The following NUP188 variants were observed in gnomAD, a reference collection of about 807,000 sequenced individuals.
NUP188 encodes the protein nucleoporin 188.
In NUP188, 97 loss-of-function variants were observed where a neutral mutation model predicts 223.0. The observed-to-expected ratio is 0.43, with a 90% CI of 0.37 to 0.51. NUP188 has a LOEUF of 0.51. NUP188 is among the 20% of genes least tolerant of loss of function. NUP188 has a pLI of 0.00. For synonymous variants in NUP188, 869 were observed against 828.0 expected (o/e 1.05, Z -0.85); for missense variants, 1,947 against 2,175.6 (o/e 0.89, Z 2.09).
rs750844261 is a variant in NUP188, at chr9:129,001,648, G to C, written c.3963G>C (p.Glu1321Asp). The C allele has an allele frequency of 1.2e-6, 2 of 1,614,066 alleles. No homozygotes were observed. The highest frequency in any genetic ancestry group is 3.3e-5 in the Admixed American group (2 of 60,022). ...TACCCACCCTCCTCACCACTCTAGA[G>C]GTGAGCCTTCGCATGAAGCAGAACC... Reference protein sequence around the residue: ...PILPTLLTTLEVSLRMKQNLH... With the variant: ...PILPTLLTTLDVSLRMKQNLH... The change falls in exon 35 of 44, where the codon GAG (glutamate) becomes GAC (aspartate). Residue 1321 changes from glutamate (E) to aspartate (D), a missense_variant. Coordinates refer to ENST00000372577, the MANE Select transcript of NUP188 (RefSeq NM_015354.3).
chr9:129,002,018 C>T (rs1842680457), intron 36 of NUP188, 42 bp downstream of exon 36: 1 of 1,509,922 alleles, frequency 6.6e-7, no homozygotes, highest in East Asian at 2.3e-5. Flanking sequence ...CCTGACCACC[C>T]TACAGTTCCA....
chr9:128,970,787 G>A lies in NUP188; in HGVS notation c.942G>A (p.Gly314=), dbSNP rs750264927. The A allele has an allele frequency of 3.1e-6, 5 of 1,614,114 alleles. No individual in the cohort carries two copies. The highest frequency in any genetic ancestry group is 4.5e-5 in the East Asian group (2 of 44,874). ...QDMDCLMLTF[G]DIPHHAPVLL... is the part of the protein sequence containing the mutation. ...TGGACTGTTTAATGTTGACCTTTGGGGACATTCCACATCATGCCCCAGTGC... is the reference window on the plus strand; with the variant it reads ...TGGACTGTTTAATGTTGACCTTTGGAGACATTCCACATCATGCCCCAGTGC... Residue 314 remains glycine, a synonymous_variant, in exon 11 of 44, where the codon GGG becomes GGA. Transcript: ENST00000372577.
rs150379581 is a variant in NUP188, at chr9:129,006,507, G to T, written c.5079G>T (p.Thr1693=). The T allele has an allele frequency of 8.1e-6, 13 of 1,612,870 alleles. No homozygotes were observed. Among genetic ancestry groups the T allele is most frequent in the Non-Finnish European group, 1.1e-5 (13 of 1,179,656 alleles). The change falls in exon 44 of 44, where the codon ACG becomes ACT. Residue 1693 remains threonine (T), a synonymous_variant. Coordinates refer to ENST00000372577, the MANE Select transcript of NUP188 (RefSeq NM_015354.3). ...MKQELSSELS[T]LLSSLSRYFR... The stretch of plus-strand genomic sequence containing the variant: ...AGCCACTTTTTTTCTTGTAGAGCAC[G>T]CTGCTGTCCAGCCTCTCGCGCTACT...
intron 34 of NUP188, 82 bp from the exon 35 acceptor site, chr9:129,001,447 G>A (rs1464415967): frequency 2.9e-6 from 4 of 1,381,160 alleles, no homozygotes; most frequent in Admixed American, 1.7e-5. Context: ...CAGGTCTTGG[G>A]CAACCAGGCC....
Position 129,006,784 on chromosome 9 carries a change from T to A in NUP188, c.*106T>A. ...GGCCTATACAATGGAGGGCACCTCC[T>A]GTCACCCCCCTCCCGGAGTAGCCAC... is the stretch of plus-strand genomic sequence containing the variant. On this transcript the variant is annotated 3_prime_UTR_variant, in exon 44 of 44. Coordinates refer to ENST00000372577, the MANE Select transcript of NUP188 (RefSeq NM_015354.3). 8.4e-7 allele frequency: 1 copy of A among 1,190,134 alleles called. No individual in the cohort carries two copies. The highest frequency in any genetic ancestry group is 1.2e-6 in the Non-Finnish European group (1 of 865,700). The allele number at this position is 1,190,134 out of a possible 1,614,324, so 73.7% of individuals were successfully genotyped here. A position where few individuals can be genotyped will look rare whatever the true frequency, so the allele number is the denominator to read the frequency against.
intron 11 of NUP188, among the ~76,000 whole-genome samples, chr9:128,971,669 C>G (rs992345540): frequency 6.6e-6 from 1 of 152,194 alleles, no homozygotes; most frequent in Non-Finnish European, 1.5e-5. Flanking sequence ...CCACCCGCCT[C>G]GGCCTCCCAA....
intron 22 of NUP188, among the ~76,000 whole-genome samples, chr9:128,987,084 AGAGAGTGTGT>A (rs1243284432): frequency 1.5e-3 from 188 of 128,200 alleles, no homozygotes; most frequent in African/African-American, 5.0e-3. Flanking sequence ...AGAGAGAGAG[AGAGAGTGTGT>A]GTGTGTGTGT....
At position 129,002,965 on chromosome 9, in the gene NUP188, G is replaced by A. The variant is rs1358329809; in HGVS notation, c.4286G>A (p.Arg1429Gln). The A allele has an allele frequency of 7.4e-6, 12 of 1,614,040 alleles. No individual in the cohort carries two copies. Among genetic ancestry groups the A allele is most frequent in the Middle Eastern group, 1.6e-4 (1 of 6,062 alleles). ...GACTTCGTGGGTGTCCACCAGGAGC[G>A]GACCTTACAGGTGAGGGGCTGCCTG... is the stretch of plus-strand genomic sequence containing the variant. ...ALDFVGVHQE[R>Q]TLQCLNAVRT... The change falls in exon 37 of 44, where the codon CGG becomes CAG. Residue 1429 changes from arginine (R) to glutamine (Q), a missense_variant. By Grantham distance (43) the Arg-to-Gln change is conservative (BLOSUM62 1). Around this residue, in one of 3 missense-constraint regions of NUP188, gnomAD observed 905 missense variants for 990.6 expected, o/e 0.91. Transcript: ENST00000372577.
intron 11 of NUP188, among the ~76,000 whole-genome samples, 179 bp downstream of exon 11, chr9:128,971,137 T>G (rs891661517): frequency 2.0e-5 from 3 of 152,198 alleles, no homozygotes; most frequent in African/African-American, 4.8e-5. Context: ...TTTGAATCCT[T>G]GTAACACTTC....
chr9:128,952,252 T>C (rs1359720401), intron 2 of NUP188, among the ~76,000 whole-genome samples: 5 of 151,600 alleles, frequency 3.3e-5, no homozygotes, highest in African/African-American at 1.2e-4. Flanking sequence ...CAAAAAAAAC[T>C]GACTGGCATG....
intron 20 of NUP188, 23 bp from the exon 21 acceptor site, chr9:128,986,535 C>A: frequency 6.2e-7 from 1 of 1,607,570 alleles, no homozygotes. Context: ...GTGCGGAAGT[C>A]CTCACTGCAT....
At chr9:128,974,270 A>G (rs958636385) in intron 12 of NUP188, among the ~76,000 whole-genome samples, 5 of 151,466 alleles carry the variant, frequency 3.3e-5, no homozygotes, top group African/African-American at 1.2e-4. Flanking sequence ...CTCAAACTCC[A>G]GGACTTCTCA....
intron 10 of NUP188, 94 bp from the exon 11 acceptor site, chr9:128,970,664 T>C: frequency 9.4e-7 from 1 of 1,064,076 alleles, no homozygotes; most frequent in Non-Finnish European, 1.4e-6. Flanking sequence ...AGGCCACTCT[T>C]TATGGCTTGC....
chr9:128,967,278 C>G (rs1025787843), intron 8 of NUP188, among the ~76,000 whole-genome samples: 1 of 152,164 alleles, frequency 6.6e-6, no homozygotes, highest in African/African-American at 2.4e-5. Flanking sequence ...CCAAAGTATT[C>G]AAGTATTAGG....
chr9:128,971,019 G>T (rs895525156), intron 11 of NUP188, 61 bp downstream of exon 11: 1 of 1,286,918 alleles, frequency 7.8e-7, no homozygotes, highest in African/African-American at 1.5e-5. Context: ...TTATAATAAT[G>T]TAATAGTTAT....
chr9:128,948,949 T>G, intron 1 of NUP188: 1 of 330,312 alleles, frequency 3.0e-6, no homozygotes. Context: ...ATGGTCTCGA[T>G]CTTCTGACCT....
intron 20 of NUP188, 121 bp downstream of exon 20, chr9:128,985,135 C>T: frequency 1.5e-6 from 1 of 678,824 alleles, no homozygotes; most frequent in Non-Finnish European, 2.6e-6. Context: ...GCAGAATAGT[C>T]ATCTTGAAGT....
In NUP188 at chr9:128,986,026, T is replaced by G. The variant is rs1588283576; in HGVS notation, c.2077-532T>G. Among the ~76,000 whole-genome samples the G allele has an allele frequency of 2.6e-5, 4 of 151,662 alleles. 1 individual carries two copies. On this transcript the variant is annotated intron_variant, in intron 20 of 43. Transcript: ENST00000372577. ...TGCACTCCAGCCTAGGTGCCAAGAG[T>G]GAAACTCCATCTTGGGGGCGAAAAA...
intron 2 of NUP188, among the ~76,000 whole-genome samples, chr9:128,949,765 A>G (rs1841752871): frequency 6.6e-6 from 1 of 151,972 alleles, no homozygotes; most frequent in African/African-American, 2.4e-5. Flanking sequence ...AGTAGCTGAG[A>G]TTACAGGTGC....
Sources: gnomAD v4.1 joint callset for allele counts (sites outside exome capture counted in the v4.1 genomes callset) on GRCh38, gnomAD v4.1.1 for gene constraint, gnomAD v4.1.1 regional missense constraint, MANE v1.5 for transcripts, NCBI Gene and HGNC (gene_info 2026-07-23, HGNC 2026-07-21) for gene names.